EBF1: variants seen among roughly 807,000 people sequenced by gnomAD.
EBF1 encodes the protein EBF transcription factor 1, also known as transcription factor COE1.
Under a neutral mutation model 68.4 loss-of-function variants are expected in EBF1, and 10 were observed. The ratio of observed to expected loss-of-function variants is 0.15; its 90% confidence interval spans 0.09 to 0.25. EBF1 has a LOEUF of 0.25. Among genes scored for constraint, EBF1 ranks in the 10% least tolerant of loss-of-function variants. The pLI is 1.00. For synonymous variants in EBF1, 298 were observed against 299.8 expected (o/e 0.99, Z 0.06); for missense variants, 509 against 794.4 (o/e 0.64, Z 4.32).
chr5:158,804,623 T>C (rs1471307598), intron 8 of EBF1, among the ~76,000 whole-genome samples: 1 of 152,172 alleles, frequency 6.6e-6, no homozygotes, highest in Non-Finnish European at 1.5e-5. Flanking sequence ...GAAAGACTTG[T>C]TGAAGGCTTT....
At chr5:158,775,773 C>CAT (rs1230645708) in intron 10 of EBF1, among the ~76,000 whole-genome samples, 1 of 123,400 alleles carries the variant, frequency 8.1e-6, no homozygotes, top group Non-Finnish European at 1.6e-5. Flanking sequence ...CACACACACA[C>CAT]ATGCACACAG....
At chr5:158,739,509 C>T (rs1436410406) in intron 10 of EBF1, among the ~76,000 whole-genome samples, 1 of 151,772 alleles carries the variant, frequency 6.6e-6, no homozygotes, top group Admixed American at 6.6e-5. Context: ...TTTTTTTGAC[C>T]TTTCAATCTT....
At chr5:158,980,484 G>A (rs927653411) in intron 6 of EBF1, among the ~76,000 whole-genome samples, 5 of 152,284 alleles carry the variant, frequency 3.3e-5, no homozygotes, top group African/African-American at 9.6e-5. Context: ...TCTCCATGGC[G>A]TGAACAGGAA....
At chr5:158,976,119 T>C (rs1399578961) in intron 6 of EBF1, among the ~76,000 whole-genome samples, 1 of 152,224 alleles carries the variant, frequency 6.6e-6, no homozygotes, top group East Asian at 1.9e-4. Flanking sequence ...GTCCTTTTTA[T>C]GTAACACATG....
chr5:159,073,713 C>A (rs1584431826), intron 5 of EBF1: 1 of 509,752 alleles, frequency 2.0e-6, no homozygotes, highest in East Asian at 3.3e-5. Context: ...AGACTCAGAA[C>A]CCCAAGATGG....
intron 6 of EBF1, among the ~76,000 whole-genome samples, chr5:158,944,885 T>C (rs1157675709): frequency 6.6e-6 from 1 of 152,254 alleles, no homozygotes; most frequent in Non-Finnish European, 1.5e-5. Flanking sequence ...AAATGACTGT[T>C]CATTTCCTTC....
intron 10 of EBF1, among the ~76,000 whole-genome samples, chr5:158,768,452 T>A (rs1178066383): frequency 6.6e-6 from 1 of 152,126 alleles, no homozygotes; most frequent in East Asian, 1.9e-4. Context: ...GCAAAATATA[T>A]ATCATTAAAC....
chr5:158,984,858 T>G (rs2086444553), intron 6 of EBF1: 1 of 151,990 alleles, frequency 6.6e-6, no homozygotes, highest in Non-Finnish European at 1.5e-5. Context: ...TAATTTTTTG[T>G]ATTTTTAGTA....
At chr5:158,866,415 A>G (rs1795870295) in intron 6 of EBF1, among the ~76,000 whole-genome samples, 1 of 152,208 alleles carries the variant, frequency 6.6e-6, no homozygotes, top group African/African-American at 2.4e-5. Context: ...CAACCCTTCC[A>G]GCCTAATATT....
chr5:158,904,473 G>A (rs1181647379), intron 6 of EBF1, among the ~76,000 whole-genome samples: 2 of 152,140 alleles, frequency 1.3e-5, no homozygotes, highest in Admixed American at 6.5e-5. Flanking sequence ...TTGGGATACA[G>A]AGCCTTTCTG....
chr5:158,879,782 C>CAGCCTGTCCTGGAGCCT (rs1798506284), intron 6 of EBF1, among the ~76,000 whole-genome samples: 1 of 152,150 alleles, frequency 6.6e-6, no homozygotes, highest in Non-Finnish European at 1.5e-5. Context: ...GACAGGAGGG[C>CAGCCTGTCCTGGAGCCT]ACCCCAGCCC....
chr5:158,887,429 G>A (rs568216292), intron 6 of EBF1, among the ~76,000 whole-genome samples: 2 of 152,266 alleles, frequency 1.3e-5, no homozygotes, highest in East Asian at 3.9e-4. Flanking sequence ...AACAGCCATT[G>A]TAGAAAACAA....
chr5:158,972,521 G>A (rs1209819318), intron 6 of EBF1, among the ~76,000 whole-genome samples: 1 of 152,224 alleles, frequency 6.6e-6, no homozygotes, highest in Non-Finnish European at 1.5e-5. Flanking sequence ...ACTAGTTGTA[G>A]TGGTCTTAAG....
chr5:158,801,272 T>C (rs924578540), intron 8 of EBF1, among the ~76,000 whole-genome samples: 2 of 152,110 alleles, frequency 1.3e-5, no homozygotes, highest in Non-Finnish European at 2.9e-5. Flanking sequence ...AAATAAAAGC[T>C]CTTCTCCCAA....
chr5:158,831,306 T>C (rs150201108), intron 7 of EBF1, among the ~76,000 whole-genome samples: 4 of 152,270 alleles, frequency 2.6e-5, no homozygotes, highest in Admixed American at 6.5e-5. Context: ...AGTCAGATGA[T>C]CCTGAATTTG....
intron 6 of EBF1, among the ~76,000 whole-genome samples, chr5:159,031,139 A>G (rs2127743718): frequency 6.6e-6 from 1 of 152,204 alleles, no homozygotes; most frequent in South Asian, 2.1e-4. Context: ...ATGCCACTGT[A>G]CTCCAACCTG....
intron 6 of EBF1, among the ~76,000 whole-genome samples, chr5:158,987,728 T>A (rs1421643009): frequency 6.6e-6 from 1 of 152,094 alleles, no homozygotes; most frequent in Non-Finnish European, 1.5e-5. Context: ...CACAACTAAC[T>A]GCCCAGGAAA....
chr5:159,088,529 G>A (rs1428354444), intron 4 of EBF1, among the ~76,000 whole-genome samples: 1 of 152,174 alleles, frequency 6.6e-6, no homozygotes, highest in Non-Finnish European at 1.5e-5. Flanking sequence ...TATGAGTAAA[G>A]CTGGTTGGGG....
intron 6 of EBF1, among the ~76,000 whole-genome samples, chr5:158,969,924 A>AG (rs1561664441): frequency 8.6e-6 from 1 of 115,938 alleles, no homozygotes. Context: ...AAGAAAAAAA[A>AG]AAAAAAGGCT....
Sources: gnomAD v4.1 joint callset for allele counts (sites outside exome capture counted in the v4.1 genomes callset) on GRCh38, gnomAD v4.1.1 for gene constraint, MANE v1.5 for transcripts, NCBI Gene and HGNC (gene_info 2026-07-23, HGNC 2026-07-21) for gene names.